The following SFMBT2 variants were observed in gnomAD, a reference collection of about 807,000 sequenced individuals.
SFMBT2 encodes scm-like with four MBT domains protein 2.
SFMBT2 carries 38 observed loss-of-function variants against 110.1 expected under a neutral mutation model. That is an observed-to-expected ratio of 0.35 (90% CI 0.27 to 0.45). The LOEUF (loss-of-function observed/expected upper bound fraction) is 0.45, where lower values mean the gene tolerates loss of function less well. SFMBT2 is among the 20% of genes least tolerant of loss of function. The pLI is 1.00. For synonymous variants in SFMBT2, 425 were observed against 425.4 expected, an observed-to-expected ratio of 1.00 and a Z score of 0.01; for missense variants, 1,011 against 1,094.9, an observed-to-expected ratio of 0.92 and a Z score of 1.08.
chr10:7,323,453 AAAAAAAAAAAAAAAACC>A lies in SFMBT2; in HGVS notation c.437-37516_437-37500del, dbSNP rs1231115250. Among the ~76,000 whole-genome samples the A allele has an allele frequency of 3.4e-3, 416 of 121,778 alleles. 2 individuals carry two copies. Among genetic ancestry groups the A allele is most frequent in the Non-Finnish European group, 4.4e-3 (267 of 60,660 alleles). The allele number at this position is 121,778 out of a possible 152,430, so 79.9% of individuals were successfully genotyped here. A position where few individuals can be genotyped will look rare whatever the true frequency, so the allele number is the denominator to read the frequency against. ...GCAACAGAGCAAGACTCCATCTCAA[AAAAAAAAAAAAAAAACC>A]AAAAAAAAAAAAAATGAGGAAAATA... On this transcript the variant is annotated intron_variant, in intron 4 of 20. Coordinates refer to ENST00000397167, the MANE Select transcript of SFMBT2 (RefSeq NM_001387889.1).
chr10:7,181,984 G>A (rs955791021), intron 16 of SFMBT2, among the ~76,000 whole-genome samples: 1 of 152,186 alleles, frequency 6.6e-6, no homozygotes, highest in Non-Finnish European at 1.5e-5. Context: ...AGGCACAGTG[G>A]ACAGGGGTTT....
chr10:7,164,686 A>T (rs1837647047), intron 20 of SFMBT2, among the ~76,000 whole-genome samples: 1 of 149,692 alleles, frequency 6.7e-6, no homozygotes, highest in South Asian at 2.2e-4. Flanking sequence ...CACCATTAGG[A>T]TGGGTGAGAA....
intron 4 of SFMBT2, among the ~76,000 whole-genome samples, chr10:7,364,684 T>C (rs764356418): frequency 1.3e-5 from 2 of 152,200 alleles, no homozygotes; most frequent in Non-Finnish European, 2.9e-5. Flanking sequence ...GAGTCATGAA[T>C]GTGATGGTAA....
chr10:7,217,934 A>G (rs1010896419), intron 11 of SFMBT2, among the ~76,000 whole-genome samples: 2 of 152,298 alleles, frequency 1.3e-5, no homozygotes, highest in East Asian at 1.9e-4. Flanking sequence ...ACTTAAAATG[A>G]TATTACATTA....
intron 2 of SFMBT2, among the ~76,000 whole-genome samples, chr10:7,371,146 C>G (rs1382206804): frequency 2.6e-5 from 4 of 152,098 alleles, no homozygotes; most frequent in Non-Finnish European, 1.5e-5. Context: ...TTTTGAGAGA[C>G]AGAGTCTTGC....
chr10:7,249,676 C>G lies in SFMBT2; in HGVS notation c.871-1027G>C, dbSNP rs554803730. ...CTCTGAGGACTGCACAGAGCCCAGT[C>G]GGGCAGTGCCTGTTTCCCCAAAGCC... On this transcript the variant is annotated intron_variant, in intron 7 of 20. Coordinates refer to ENST00000397167, the MANE Select transcript of SFMBT2 (RefSeq NM_001387889.1). The G allele has an allele frequency of 7.0e-5, 27 of 383,332 alleles. No individual in the cohort carries two copies. In the Admixed American group the frequency reaches 1.7e-3, roughly 25 times the overall value. 23.7% of individuals were successfully genotyped at this position (383,332 alleles called of 1,614,324 possible). A position where few individuals can be genotyped will look rare whatever the true frequency, so the allele number is the denominator to read the frequency against.
chr10:7,225,377 T>C (rs1839869486), intron 10 of SFMBT2, among the ~76,000 whole-genome samples: 1 of 152,218 alleles, frequency 6.6e-6, no homozygotes, highest in Admixed American at 6.5e-5. Context: ...AGCTCTCCTC[T>C]AATACACAGG....
chr10:7,321,468 T>A (rs1421689259), intron 4 of SFMBT2, among the ~76,000 whole-genome samples: 2 of 152,166 alleles, frequency 1.3e-5, no homozygotes, highest in Admixed American at 6.5e-5. Context: ...CCCAAAGTGC[T>A]GGGATTACAG....
chr10:7,303,823 G>A (rs1842621313), intron 4 of SFMBT2, among the ~76,000 whole-genome samples: 1 of 152,208 alleles, frequency 6.6e-6, no homozygotes, highest in Non-Finnish European at 1.5e-5. Flanking sequence ...GGATATAAAT[G>A]TAGTCACACA....
At chr10:7,378,215 T>TGGGTG (rs35737309) in intron 2 of SFMBT2, among the ~76,000 whole-genome samples, 193 of 9,800 alleles carry the variant, frequency 0.02, 20 homozygotes, top group African/African-American at 0.044. Flanking sequence ...TGTGGATGTG[T>TGGGTG]GATGGATGGG....
At chr10:7,182,186 C>T (rs1838263514) in intron 16 of SFMBT2, among the ~76,000 whole-genome samples, 1 of 152,220 alleles carries the variant, frequency 6.6e-6, no homozygotes, top group East Asian at 1.9e-4. Flanking sequence ...TACAGGCACC[C>T]ACTACCATGC....
At chr10:7,240,489 G>A (rs1840395756) in intron 9 of SFMBT2, among the ~76,000 whole-genome samples, 1 of 152,172 alleles carries the variant, frequency 6.6e-6, no homozygotes, top group South Asian at 2.1e-4. Flanking sequence ...CTTTTATGCA[G>A]ATGATCTCTA....
At chr10:7,192,902 T>C (rs1838644201) in intron 15 of SFMBT2, among the ~76,000 whole-genome samples, 1 of 152,146 alleles carries the variant, frequency 6.6e-6, no homozygotes, top group Non-Finnish European at 1.5e-5. Flanking sequence ...ACCCAGTCTT[T>C]GGACCTCAGC....
At chr10:7,383,729 G>C (rs4748899) in intron 1 of SFMBT2, among the ~76,000 whole-genome samples, 2 of 151,930 alleles carry the variant, frequency 1.3e-5, no homozygotes, top group South Asian at 4.2e-4. Context: ...CGAGATTATC[G>C]CTCCCTCACT....
intron 1 of SFMBT2, among the ~76,000 whole-genome samples, chr10:7,400,868 C>T (rs1435894945): frequency 1.3e-5 from 2 of 152,114 alleles, no homozygotes; most frequent in African/African-American, 2.4e-5. Context: ...CGCGGTGGTT[C>T]GCGCCTGTAA....
At chr10:7,363,137 G>A (rs138791937) in intron 4 of SFMBT2, among the ~76,000 whole-genome samples, 51 of 152,212 alleles carry the variant, frequency 3.4e-4, no homozygotes, top group Admixed American at 6.5e-4. Context: ...GGACCCAGTG[G>A]GTGGTAACAG....
At chr10:7,198,211 C>G (rs1225161644) in intron 14 of SFMBT2, 2 of 920,970 alleles carry the variant, frequency 2.2e-6, no homozygotes, top group East Asian at 2.3e-4. Context: ...GAGATATATC[C>G]AAGTTGGTAA....
chr10:7,359,472 C>T (rs72775555), intron 4 of SFMBT2, among the ~76,000 whole-genome samples: 7,386 of 152,234 alleles, frequency 0.049, 245 homozygotes, highest in Non-Finnish European at 0.072. Context: ...CCAACTCCCC[C>T]CTCGAATTCC....
At chr10:7,409,291 G>GC (rs1846307114) in intron 1 of SFMBT2, 1 of 152,060 alleles carries the variant, frequency 6.6e-6, no homozygotes, top group South Asian at 2.1e-4. Flanking sequence ...GCACCTCCTC[G>GC]CCCCACCTAC....
Sources: gnomAD v4.1 joint callset for allele counts (sites outside exome capture counted in the v4.1 genomes callset) on GRCh38, gnomAD v4.1.1 for gene constraint, MANE v1.5 for transcripts, NCBI Gene and HGNC (gene_info 2026-07-23, HGNC 2026-07-21) for gene names.